Variants in GRIK2 observed in about 807,000 individuals in gnomAD.
GRIK2 encodes the protein glutamate receptor ionotropic, kainate 2.
Under a neutral mutation model 100.3 loss-of-function variants are expected in GRIK2, and 32 were observed. The observed-to-expected ratio is 0.32, with a 90% CI of 0.24 to 0.43. The LOEUF is 0.43. Among genes scored for constraint, GRIK2 ranks in the 20% least tolerant of loss-of-function variants. GRIK2 has a pLI of 1.00. For synonymous variants in GRIK2, 417 were observed against 389.4 expected, an observed-to-expected ratio of 1.07 and a Z score of -0.83; for missense variants, 843 against 1,114.9, an observed-to-expected ratio of 0.76 and a Z score of 3.47.
At chr6:102,066,825 T>A (rs1202950133) in intron 16 of GRIK2, among the ~76,000 whole-genome samples, 1 of 151,702 alleles carries the variant, frequency 6.6e-6, no homozygotes, top group Admixed American at 6.6e-5. Context: ...TCCGGGTAAT[T>A]GTGAACCTTT....
At chr6:101,873,383 A>T (rs1048559542) in intron 11 of GRIK2, among the ~76,000 whole-genome samples, 1 of 151,498 alleles carries the variant, frequency 6.6e-6, no homozygotes, top group African/African-American at 2.4e-5. Flanking sequence ...GCTGAGAATG[A>T]TGGTTTCCAG....
At chr6:101,702,076 A>G (rs1290794679) in intron 7 of GRIK2, among the ~76,000 whole-genome samples, 1 of 27,200 alleles carries the variant, frequency 3.7e-5, no homozygotes, top group Non-Finnish European at 8.0e-5. Context: ...TTCTATAACC[A>G]GTTTATTCTT....
chr6:101,902,694 A>G (rs970815778), intron 12 of GRIK2, among the ~76,000 whole-genome samples: 1 of 151,944 alleles, frequency 6.6e-6, no homozygotes, highest in Non-Finnish European at 1.5e-5. Context: ...AACTATTTAC[A>G]TGGAAATTTT....
chr6:101,515,331 G>A (rs1327385220), intron 2 of GRIK2, among the ~76,000 whole-genome samples: 1 of 152,044 alleles, frequency 6.6e-6, no homozygotes, highest in African/African-American at 2.4e-5. Context: ...GGGCATTTGG[G>A]TTGGTTCCAC....
intron 2 of GRIK2, among the ~76,000 whole-genome samples, chr6:101,568,093 A>T (rs1343443295): frequency 1.3e-5 from 2 of 151,982 alleles, no homozygotes; most frequent in East Asian, 3.8e-4. Flanking sequence ...TTAGTAAATG[A>T]AAAAAAGAAG....
intron 7 of GRIK2, among the ~76,000 whole-genome samples, chr6:101,724,760 A>G (rs1219987044): frequency 6.6e-6 from 1 of 152,010 alleles, no homozygotes; most frequent in East Asian, 1.9e-4. Flanking sequence ...GAGAATAAAT[A>G]CTTTAAATGA....
In GRIK2 at chr6:102,049,458, C is replaced by T. The variant is rs191386537; in HGVS notation, c.2312-5872C>T. 1.6e-3 allele frequency among the ~76,000 whole-genome samples: 241 copies of T among 152,008 alleles called. 1 individual carries two copies. The highest frequency in any genetic ancestry group is 5.4e-3 in the African/African-American group (224 of 41,496). On this transcript the variant is annotated intron_variant, in intron 15 of 16. Transcript: ENST00000369134. ...AAGAATTTATGGGGACATTAATAAGCGAGAGGGAAAAATTCTTCCCCGACA... is the reference window on the plus strand; with the variant it reads ...AAGAATTTATGGGGACATTAATAAGTGAGAGGGAAAAATTCTTCCCCGACA...
In GRIK2 at chr6:101,974,641, A is replaced by G. The variant is rs532171296; in HGVS notation, c.2085+46009A>G. On this transcript the variant is annotated intron_variant, in intron 14 of 16. Transcript: ENST00000369134. ...TGAGAAATCTTAGATTTTGCTCTCA[A>G]TGCCTTTCAACTGATTGGTCGAAGC... Among the ~76,000 whole-genome samples, 6 of 152,136 alleles carry G rather than the reference A, an allele frequency of 3.9e-5. No homozygotes were observed. In the South Asian group the frequency reaches 1.0e-3, roughly 26 times the overall value.
intron 7 of GRIK2, among the ~76,000 whole-genome samples, chr6:101,717,399 C>A (rs1482515389): frequency 1.3e-5 from 2 of 151,672 alleles, no homozygotes; most frequent in Non-Finnish European, 2.9e-5. Context: ...TTAACGCTGA[C>A]AATATATTTA....
intron 7 of GRIK2, among the ~76,000 whole-genome samples, chr6:101,730,915 T>C (rs1432701670): frequency 6.6e-6 from 1 of 151,900 alleles, no homozygotes; most frequent in African/African-American, 2.4e-5. Flanking sequence ...GTTTTGAGTT[T>C]GAAGTGTTAG....
At chr6:101,436,266 A>G (rs769964712) in intron 2 of GRIK2, among the ~76,000 whole-genome samples, 1 of 152,128 alleles carries the variant, frequency 6.6e-6, no homozygotes, top group Non-Finnish European at 1.5e-5. Flanking sequence ...TATTTTTTCA[A>G]ACTCTGTTTT....
At chr6:101,727,243 G>A (rs1364666280) in intron 7 of GRIK2, among the ~76,000 whole-genome samples, 1 of 151,970 alleles carries the variant, frequency 6.6e-6, no homozygotes, top group African/African-American at 2.4e-5. Context: ...TCTGATTTAT[G>A]TGCTCCTTAT....
intron 2 of GRIK2, among the ~76,000 whole-genome samples, chr6:101,506,209 T>A (rs894390604): frequency 2.0e-5 from 3 of 152,170 alleles, no homozygotes; most frequent in East Asian, 1.9e-4. Context: ...CTGGCTGCTC[T>A]TAAGTTAAAA....
intron 2 of GRIK2, among the ~76,000 whole-genome samples, chr6:101,586,442 A>T (rs1489412071): frequency 6.6e-6 from 1 of 152,144 alleles, no homozygotes; most frequent in Non-Finnish European, 1.5e-5. Context: ...CACCTTGGAC[A>T]TCTGGAAGGG....
chr6:101,820,937 A>C (rs1002830941), intron 10 of GRIK2, among the ~76,000 whole-genome samples: 3 of 152,192 alleles, frequency 2.0e-5, no homozygotes, highest in Non-Finnish European at 4.4e-5. Flanking sequence ...TTAAAAAACT[A>C]TGTATGTTTG....
intron 10 of GRIK2, among the ~76,000 whole-genome samples, chr6:101,851,300 A>G (rs1784113984): frequency 6.6e-6 from 1 of 152,012 alleles, no homozygotes; most frequent in South Asian, 2.1e-4. Flanking sequence ...TTAGAGTAAT[A>G]AGATTTAAAT....
intron 7 of GRIK2, among the ~76,000 whole-genome samples, chr6:101,728,396 T>A (rs1490091113): frequency 6.6e-6 from 1 of 152,072 alleles, no homozygotes; most frequent in Admixed American, 6.6e-5. Flanking sequence ...TTCCGTTTGA[T>A]ACAAGAGAAA....
At chr6:101,870,041 A>T (rs1785300169) in intron 11 of GRIK2, among the ~76,000 whole-genome samples, 2 of 152,002 alleles carry the variant, frequency 1.3e-5, no homozygotes, top group South Asian at 2.1e-4. Context: ...TTTATGTGAC[A>T]GTATTTAGTT....
At chr6:101,735,779 C>T (rs1163670394) in intron 7 of GRIK2, among the ~76,000 whole-genome samples, 2 of 152,144 alleles carry the variant, frequency 1.3e-5, no homozygotes, top group Non-Finnish European at 2.9e-5. Flanking sequence ...AATCTCATGC[C>T]CTCACATTTC....
Sources: gnomAD v4.1 joint callset for allele counts (sites outside exome capture counted in the v4.1 genomes callset) on GRCh38, gnomAD v4.1.1 for gene constraint, MANE v1.5 for transcripts, NCBI Gene and HGNC (gene_info 2026-07-23, HGNC 2026-07-21) for gene names.